The following GALNS variants were observed in gnomAD, a reference collection of about 807,000 sequenced individuals.
GALNS encodes N-acetylgalactosamine-6-sulfatase.
In GALNS, 65 loss-of-function variants were observed where a neutral mutation model predicts 65.9. The ratio of observed to expected loss-of-function variants is 0.99; its 90% CI spans 0.81 to 1.21. The LOEUF is 1.21. Among genes scored for constraint, GALNS ranks in the 50% most tolerant of loss-of-function variants. The pLI, the probability that GALNS is intolerant of heterozygous loss-of-function variation, is 0.00. For synonymous variants in GALNS, 346 were observed against 288.9 expected (o/e 1.20, Z -2.00); for missense variants, 776 against 700.7 (o/e 1.11, Z -1.21).
At chr16:88,824,743 G>A (rs767611261) in intron 11 of GALNS, 24 bp downstream of exon 11, 5 of 1,597,678 alleles carry the variant, frequency 3.1e-6, no homozygotes, top group Non-Finnish European at 4.3e-6. Flanking sequence ...AGCTCCGCCT[G>A]CGCCCACGTC....
chr16:88,829,009 C>T (rs1162329673), intron 9 of GALNS, among the ~76,000 whole-genome samples: 2 of 92,004 alleles, frequency 2.2e-5, no homozygotes, highest in African/African-American at 6.8e-5. Flanking sequence ...GCCATCGTCT[C>T]CCAGACCTAC....
At chr16:88,820,544 C>T (rs1304953311) in intron 12 of GALNS, among the ~76,000 whole-genome samples, 1 of 152,226 alleles carries the variant, frequency 6.6e-6, no homozygotes, top group Non-Finnish European at 1.5e-5. Flanking sequence ...GACAGTGGTT[C>T]TCAAAGGCAT....
intron 12 of GALNS, among the ~76,000 whole-genome samples, chr16:88,819,496 G>A (rs1033360736): frequency 6.6e-6 from 1 of 152,094 alleles, no homozygotes; most frequent in Non-Finnish European, 1.5e-5. Context: ...GACGGTGAGC[G>A]TCCCCGAAGG....
intron 9 of GALNS, among the ~76,000 whole-genome samples, chr16:88,829,817 C>T (rs538331466): frequency 2.0e-5 from 3 of 152,194 alleles, no homozygotes; most frequent in Non-Finnish European, 1.5e-5. Context: ...TTCAGGCGCG[C>T]GACCAGGCCA....
At position 88,826,914 on chromosome 16, in the gene GALNS, G is replaced by C. The variant is rs560532686; in HGVS notation, c.1003-76C>G. ...GGGCTGGGGGCCAATCCCTGGGGGGGCGTGAGCCCCGCTGCCCAGCTGGGT... is the reference window on the plus strand; with the variant it reads ...GGGCTGGGGGCCAATCCCTGGGGGGCCGTGAGCCCCGCTGCCCAGCTGGGT... On this transcript the variant is annotated intron_variant, in intron 9 of 13. Transcript: ENST00000268695. 3.7e-5 allele frequency: 56 copies of C among 1,523,894 alleles called. No individual in the cohort carries two copies. The African/African-American group carries it at 7.2e-4, about 19-fold the overall frequency. 94.4% of individuals were successfully genotyped at this position (1,523,894 alleles called of 1,614,324 possible).
At chr16:88,854,896 T>C (rs182665539) in intron 1 of GALNS, among the ~76,000 whole-genome samples, 1 of 152,328 alleles carries the variant, frequency 6.6e-6, no homozygotes, top group Admixed American at 6.5e-5. Context: ...CTGGGGTTCT[T>C]TAGGCGTCAG....
In GALNS at chr16:88,827,045, C is replaced by T. The variant is rs1219243109; in HGVS notation, c.1003-207G>A. On this transcript the variant is annotated intron_variant, in intron 9 of 13. Coordinates refer to ENST00000268695, the MANE Select transcript of GALNS (RefSeq NM_000512.5). ...CAAACCAGGCCCAAAGACCCCAGAG[C>T]CAGGCCACGCCCTCACTCCCTGGCA... 1.8e-5 allele frequency: 11 copies of T among 620,318 alleles called. No homozygotes were observed. The East Asian group carries it at 2.8e-4, about 16-fold the overall frequency. The allele number at this position is 620,318 out of a possible 1,614,324, so 38.4% of individuals were successfully genotyped here.
Position 88,822,480 on chromosome 16 carries a change from A to G in GALNS, c.1364+109T>C. On this transcript the variant is annotated intron_variant, in intron 12 of 13. Transcript: ENST00000268695. ...ATGAATAGCAACAGCAGATGCAGGCAAGGGGAGGCGGCGGGCAGGGTGCAG... is the reference window on the plus strand; with the variant it reads ...ATGAATAGCAACAGCAGATGCAGGCGAGGGGAGGCGGCGGGCAGGGTGCAG... The G allele has an allele frequency of 2.1e-6, 3 of 1,443,264 alleles. No individual in the cohort carries two copies. In the East Asian group the frequency reaches 7.0e-5, roughly 34 times the overall value. The allele number at this position is 1,443,264 out of a possible 1,614,324, so 89.4% of individuals were successfully genotyped here. A position where few individuals can be genotyped will look rare whatever the true frequency, so the allele number is the denominator to read the frequency against.
At chr16:88,815,194 C>T in intron 13 of GALNS, 1 of 985,470 alleles carries the variant, frequency 1.0e-6, no homozygotes, top group South Asian at 4.7e-5. Flanking sequence ...CCTCTCAGCT[C>T]TGAAGGCTGC....
At chr16:88,852,860 C>T (rs1567545947) in intron 1 of GALNS, among the ~76,000 whole-genome samples, 1 of 152,150 alleles carries the variant, frequency 6.6e-6, no homozygotes. Context: ...GAGGCTGAGG[C>T]AGGAAAATTG....
chr16:88,824,890 AC>A, intron 10 of GALNS, 21 bp from the exon 11 acceptor site: 1 of 1,606,352 alleles, frequency 6.2e-7, no homozygotes, highest in Non-Finnish European at 8.5e-7. Context: ...GGAGGGGAGG[AC>A]CATGTAATGA....
intron 12 of GALNS, among the ~76,000 whole-genome samples, chr16:88,820,956 G>T (rs1340712463): frequency 1.3e-5 from 2 of 152,148 alleles, no homozygotes; most frequent in Non-Finnish European, 2.9e-5. Context: ...GGGGCTGTTG[G>T]CTCCTCAGTG....
chr16:88,814,287 G>T lies in GALNS; in HGVS notation c.*152C>A. ...AGCACACGCCAGGGTCAGGTCCTGG[G>T]CAGGTGGAATTGTGCAGTCCCCCTG... On this transcript the variant is annotated 3_prime_UTR_variant, in exon 14 of 14. Coordinates refer to ENST00000268695, the MANE Select transcript of GALNS (RefSeq NM_000512.5). 3 of 1,042,768 alleles carry T rather than the reference G, an allele frequency of 2.9e-6. 1 individual carries two copies. The South Asian group carries it at 4.1e-5, about 14-fold the overall frequency. 64.6% of individuals were successfully genotyped at this position (1,042,768 alleles called of 1,614,324 possible).
rs146963745 is a variant in GALNS, at chr16:88,835,819, G to T, written c.664C>A (p.Arg222=). The part of the protein sequence containing the change: ...EALDFIKRQA[R]HHPFFLYWAV... ...CAGTAGAGGAAAAAGGGGTGGTGCC[G>T]TGCCTGTCTCTTAATGAAGTCCAGG... The change falls in exon 7 of 14, where the codon CGG becomes AGG. Residue 222 remains arginine (R), a synonymous_variant. Coordinates refer to ENST00000268695, the MANE Select transcript of GALNS (RefSeq NM_000512.5). 2 of 1,614,160 alleles carry T rather than the reference G, an allele frequency of 1.2e-6. No homozygotes were observed. Among genetic ancestry groups the T allele is most frequent in the Non-Finnish European group, 1.7e-6 (2 of 1,180,032 alleles).
rs1047318011 is a variant in GALNS, at chr16:88,815,585, G to C, written c.1483-1060C>G. 4.1e-6 allele frequency: 4 copies of C among 985,374 alleles called. No individual in the cohort carries two copies. In the African/African-American group the frequency reaches 7.0e-5, roughly 17 times the overall value. The allele number at this position is 985,374 out of a possible 1,614,324, so 61.0% of individuals were successfully genotyped here. The stretch of plus-strand genomic sequence containing the variant: ...GCCGCTAAGAGGAGCCTTCTTGGCT[G>C]AAATGAGTGCAGTTTGGTTCTGTGT... On this transcript the variant is annotated intron_variant, in intron 13 of 13. Transcript: ENST00000268695.
intron 1 of GALNS, chr16:88,855,134 C>T: frequency 1.8e-6 from 1 of 566,932 alleles, no homozygotes; most frequent in Non-Finnish European, 3.3e-6. Context: ...GAAATACAGA[C>T]TAACTTTATA....
chr16:88,842,691 GC>G lies in GALNS; in HGVS notation c.244+14del. On this transcript the variant is annotated intron_variant, in intron 2 of 13. Transcript: ENST00000268695. ...GGCTCACCCCTTCCTGGGGGCGAGG[GC>G]CCCGCTGACTTACATGGCGAGCACA... 8 of 1,611,818 alleles carry G rather than the reference GC, an allele frequency of 5.0e-6. No homozygotes were observed. Among genetic ancestry groups the G allele is most frequent in the Non-Finnish European group, 6.8e-6 (8 of 1,179,408 alleles).
chr16:88,840,040 G>C (rs910837714), intron 4 of GALNS, among the ~76,000 whole-genome samples: 1 of 152,224 alleles, frequency 6.6e-6, no homozygotes, highest in Non-Finnish European at 1.5e-5. Context: ...GACTATGCAG[G>C]CTGCGTGGGG....
rs149414864 is a variant in GALNS at position 88,828,266 on chromosome 16, G to A, written c.1003-1428C>T. Among the ~76,000 whole-genome samples, 21 of 151,622 alleles carry A rather than the reference G, an allele frequency of 1.4e-4. No individual in the cohort carries two copies. The East Asian group carries it at 4.1e-3, about 29-fold the overall frequency. On this transcript the variant is annotated intron_variant, in intron 9 of 13. Transcript: ENST00000268695. ...AAAATAACTGCGGAGCAGTGCTTGT[G>A]GTGCCGGCAGGGCGGGCGGGCGGGA...
Sources: allele counts gnomAD v4.1 joint callset (sites outside exome capture counted in the v4.1 genomes callset), GRCh38; gene constraint gnomAD v4.1.1; transcripts MANE v1.5; gene names NCBI Gene and HGNC (gene_info 2026-07-23, HGNC 2026-07-21).